AGBL4: variants seen among roughly 807,000 people sequenced by gnomAD.
AGBL4 encodes cytosolic carboxypeptidase 6.
AGBL4 carries 58 observed loss-of-function variants against 66.4 expected under a neutral mutation model. The observed-to-expected ratio is 0.87, with a 90% CI of 0.71 to 1.09. AGBL4 has a LOEUF of 1.09. Ranked by LOEUF, AGBL4 falls within the 50% of genes least tolerant of loss-of-function variation. The probability of loss-of-function intolerance (pLI) is 0.00; values close to 1 mark genes in which losing one functional copy is unlikely to be tolerated. For missense variants in AGBL4, 579 were observed against 631.0 expected, an observed-to-expected ratio of 0.92 and a Z score of 0.88; for synonymous variants, 234 against 222.9, an observed-to-expected ratio of 1.05 and a Z score of -0.44.
At chr1:49,554,672 G>T (rs1338366923) in intron 3 of AGBL4, among the ~76,000 whole-genome samples, 5 of 152,200 alleles carry the variant, frequency 3.3e-5, no homozygotes. Context: ...TGGTTTCTTG[G>T]TCTCGCTGAC....
chr1:48,563,263 C>T (rs953069808), intron 11 of AGBL4, among the ~76,000 whole-genome samples: 2 of 152,178 alleles, frequency 1.3e-5, no homozygotes, highest in African/African-American at 4.8e-5. Flanking sequence ...AAAAGAATGG[C>T]AATTTAGATG....
At chr1:49,010,050 A>G (rs192014541) in intron 5 of AGBL4, among the ~76,000 whole-genome samples, 2 of 152,290 alleles carry the variant, frequency 1.3e-5, no homozygotes, top group East Asian at 3.9e-4. Flanking sequence ...AGGAGAAGGA[A>G]ATAAAGGGTA....
chr1:49,145,164 A>T (rs1325886872), intron 4 of AGBL4, among the ~76,000 whole-genome samples: 3 of 152,188 alleles, frequency 2.0e-5, no homozygotes, highest in African/African-American at 7.2e-5. Flanking sequence ...AAAGGATAAG[A>T]TTTAAAATTT....
intron 3 of AGBL4, among the ~76,000 whole-genome samples, chr1:49,434,311 G>A (rs1318541859): frequency 6.6e-6 from 1 of 152,080 alleles, no homozygotes; most frequent in African/African-American, 2.4e-5. Flanking sequence ...AGCCTTAATG[G>A]GGAGAGGTAG....
At chr1:48,616,203 C>T (rs1259401188) in intron 9 of AGBL4, among the ~76,000 whole-genome samples, 1 of 152,202 alleles carries the variant, frequency 6.6e-6, no homozygotes, top group Admixed American at 6.5e-5. Flanking sequence ...CAGAACCTCA[C>T]TCCAGACCTA....
chr1:48,844,409 C>A (rs542317612), intron 6 of AGBL4, among the ~76,000 whole-genome samples: 80 of 152,176 alleles, frequency 5.3e-4, no homozygotes, highest in Non-Finnish European at 7.8e-4. Context: ...ACAATGACTT[C>A]TTTGTGTTTA....
chr1:49,496,007 A>C (rs1647525253), intron 3 of AGBL4, among the ~76,000 whole-genome samples: 1 of 152,098 alleles, frequency 6.6e-6, no homozygotes, highest in Non-Finnish European at 1.5e-5. Context: ...GGGAAGAATT[A>C]GTGTGGATAA....
intron 3 of AGBL4, among the ~76,000 whole-genome samples, chr1:49,621,583 G>C (rs1295638353): frequency 6.6e-6 from 1 of 152,200 alleles, no homozygotes; most frequent in African/African-American, 2.4e-5. Flanking sequence ...CTTTATTACA[G>C]CTAGCAGATA....
chr1:49,708,902 T>C (rs927098453), intron 2 of AGBL4, among the ~76,000 whole-genome samples: 1 of 152,128 alleles, frequency 6.6e-6, no homozygotes, highest in Admixed American at 6.5e-5. Flanking sequence ...ACAGCAAAGA[T>C]TGCTGCCTGC....
chr1:49,065,882 AGGTGT>A, intron 4 of AGBL4, among the ~76,000 whole-genome samples: 1 of 152,320 alleles, frequency 6.6e-6, no homozygotes, highest in East Asian at 1.9e-4. Context: ...TCCTAGTTCT[AGGTGT>A]GGCATTTGGG....
At chr1:48,649,187 A>G (rs965283849) in intron 8 of AGBL4, among the ~76,000 whole-genome samples, 10 of 152,098 alleles carry the variant, frequency 6.6e-5, no homozygotes, top group African/African-American at 2.4e-4. Context: ...CACATAAATA[A>G]ACACATAATT....
intron 3 of AGBL4, among the ~76,000 whole-genome samples, chr1:49,252,454 T>C (rs774725792): frequency 4.6e-5 from 7 of 152,082 alleles, no homozygotes; most frequent in Admixed American, 1.3e-4. Context: ...CTGAAAAAGA[T>C]AGGGAGAATG....
At chr1:49,201,177 C>T (rs1647671033) in intron 4 of AGBL4, among the ~76,000 whole-genome samples, 1 of 152,104 alleles carries the variant, frequency 6.6e-6, no homozygotes, top group African/African-American at 2.4e-5. Flanking sequence ...CACTTTTGAA[C>T]CTTTATCCCC....
At chr1:49,743,644 G>A (rs1275751574) in intron 2 of AGBL4, among the ~76,000 whole-genome samples, 1 of 152,030 alleles carries the variant, frequency 6.6e-6, no homozygotes, top group African/African-American at 2.4e-5. Flanking sequence ...CAAAGACTTG[G>A]AACCAACCCA....
intron 9 of AGBL4, among the ~76,000 whole-genome samples, chr1:48,631,285 A>G (rs1645588487): frequency 1.3e-5 from 2 of 152,262 alleles, no homozygotes; most frequent in Non-Finnish European, 2.9e-5. Context: ...AGTGTTTGCA[A>G]CTGGGCACAA....
intron 3 of AGBL4, among the ~76,000 whole-genome samples, chr1:49,658,493 C>A (rs1646198077): frequency 6.6e-6 from 1 of 152,154 alleles, no homozygotes; most frequent in Non-Finnish European, 1.5e-5. Context: ...TTTGACCCAG[C>A]CATCCCATTA....
intron 6 of AGBL4, among the ~76,000 whole-genome samples, chr1:48,775,530 A>T (rs1221043310): frequency 6.6e-6 from 1 of 152,184 alleles, no homozygotes; most frequent in Non-Finnish European, 1.5e-5. Context: ...CTATTTGCCC[A>T]CTTTAAGGTT....
intron 6 of AGBL4, among the ~76,000 whole-genome samples, chr1:48,846,319 G>C (rs553760063): frequency 1.4e-4 from 21 of 149,354 alleles, no homozygotes; most frequent in Non-Finnish European, 3.0e-4. Flanking sequence ...TAGACAGATA[G>C]ATAGATCGAT....
intron 3 of AGBL4, among the ~76,000 whole-genome samples, chr1:49,422,846 C>A (rs761140631): frequency 3.3e-5 from 5 of 152,152 alleles, no homozygotes; most frequent in Admixed American, 6.5e-5. Context: ...TGATTTTTGT[C>A]ACAGCACAAT....
Sources: allele counts gnomAD v4.1 joint callset (sites outside exome capture counted in the v4.1 genomes callset), GRCh38; gene constraint gnomAD v4.1.1; transcripts MANE v1.5; gene names NCBI Gene and HGNC (gene_info 2026-07-23, HGNC 2026-07-21).